Variants in GABRG3 observed in about 807,000 individuals in gnomAD.
The protein encoded by GABRG3 is gamma-aminobutyric acid type A receptor subunit gamma3, also known as gamma-aminobutyric acid receptor subunit gamma-3.
A neutral mutation model predicts 48.8 loss-of-function variants in GABRG3; 25 were observed. The observed-to-expected ratio is 0.51, with a 90% CI of 0.37 to 0.72. The LOEUF (loss-of-function observed/expected upper bound fraction) is 0.72, where lower values mean the gene tolerates loss of function less well. GABRG3 is among the 30% of genes least tolerant of loss of function. The pLI is 0.00. For synonymous variants in GABRG3, 227 were observed against 217.6 expected, an observed-to-expected ratio of 1.04 and a Z score of -0.38; for missense variants, 394 against 577.9, an observed-to-expected ratio of 0.68 and a Z score of 3.26.
intron 3 of GABRG3, among the ~76,000 whole-genome samples, chr15:27,165,174 A>T (rs921217731): frequency 6.6e-6 from 1 of 152,086 alleles, no homozygotes; most frequent in Non-Finnish European, 1.5e-5. Context: ...CTCCCAGATA[A>T]TTTTCTTTCC....
chr15:27,304,162 A>C (rs2140495165), intron 3 of GABRG3, among the ~76,000 whole-genome samples: 1 of 152,070 alleles, frequency 6.6e-6, no homozygotes, highest in Middle Eastern at 3.4e-3. Flanking sequence ...TTTTCTCTTA[A>C]GCTTAGTGGC....
At chr15:27,169,088 T>G (rs1469201356) in intron 3 of GABRG3, among the ~76,000 whole-genome samples, 1 of 152,192 alleles carries the variant, frequency 6.6e-6, no homozygotes, top group Non-Finnish European at 1.5e-5. Flanking sequence ...AAAATAGACA[T>G]GGGCACTTGT....
chr15:27,235,139 T>C (rs548904384), intron 3 of GABRG3, among the ~76,000 whole-genome samples: 19 of 152,126 alleles, frequency 1.2e-4, no homozygotes, highest in African/African-American at 4.4e-4. Context: ...TCCTAGATTT[T>C]GTTTTGTCTT....
chr15:27,045,303 G>T (rs1259131181), intron 3 of GABRG3, among the ~76,000 whole-genome samples: 2 of 152,188 alleles, frequency 1.3e-5, no homozygotes, highest in Non-Finnish European at 2.9e-5. Flanking sequence ...AGGTGCAAAG[G>T]CCTCGTGCTA....
chr15:27,460,437 G>A (rs1679492869), intron 5 of GABRG3, among the ~76,000 whole-genome samples: 2 of 152,162 alleles, frequency 1.3e-5, no homozygotes, highest in African/African-American at 4.8e-5. Flanking sequence ...TTTGCAGGGC[G>A]CCCCGCAAGG....
intron 5 of GABRG3, among the ~76,000 whole-genome samples, chr15:27,389,411 C>T (rs1392566790): frequency 6.6e-6 from 1 of 152,196 alleles, no homozygotes; most frequent in Admixed American, 6.5e-5. Flanking sequence ...CCACAGGGAA[C>T]ACACCATATG....
chr15:27,049,420 G>A (rs1896419057), intron 3 of GABRG3, among the ~76,000 whole-genome samples: 1 of 152,150 alleles, frequency 6.6e-6, no homozygotes, highest in African/African-American at 2.4e-5. Context: ...GTTTGTATTA[G>A]TTTCTTCCAG....
intron 5 of GABRG3, among the ~76,000 whole-genome samples, chr15:27,344,536 TG>T (rs1267673699): frequency 6.6e-6 from 1 of 152,210 alleles, no homozygotes; most frequent in Non-Finnish European, 1.5e-5. Context: ...AATTAAATAC[TG>T]AGAACCTTTG....
intron 5 of GABRG3, among the ~76,000 whole-genome samples, chr15:27,373,916 C>G (rs1431446140): frequency 6.6e-6 from 1 of 152,104 alleles, no homozygotes; most frequent in East Asian, 1.9e-4. Flanking sequence ...GCCACAATCT[C>G]CATGTAATAT....
intron 3 of GABRG3, among the ~76,000 whole-genome samples, chr15:27,218,461 C>A (rs1326263637): frequency 6.6e-6 from 1 of 152,176 alleles, no homozygotes; most frequent in Non-Finnish European, 1.5e-5. Context: ...TCAAAATAAT[C>A]CACATCCCAA....
chr15:27,336,047 G>T (rs899615544), intron 5 of GABRG3, among the ~76,000 whole-genome samples: 6 of 151,960 alleles, frequency 3.9e-5, no homozygotes, highest in Non-Finnish European at 8.8e-5. Flanking sequence ...AAATTAGCCG[G>T]GTGTGGTGGT....
intron 3 of GABRG3, among the ~76,000 whole-genome samples, chr15:27,314,174 G>A (rs1218562190): frequency 6.6e-6 from 1 of 152,088 alleles, no homozygotes; most frequent in Non-Finnish European, 1.5e-5. Context: ...ATGATCAACA[G>A]AGTGAAAAGG....
At chr15:27,008,550 T>C (rs1254752497) in intron 2 of GABRG3, among the ~76,000 whole-genome samples, 1 of 152,224 alleles carries the variant, frequency 6.6e-6, no homozygotes, top group Non-Finnish European at 1.5e-5. Flanking sequence ...TTGGCAGGCC[T>C]GTGTGGCCTC....
intron 5 of GABRG3, among the ~76,000 whole-genome samples, chr15:27,440,807 A>T (rs1888761463): frequency 1.3e-5 from 2 of 152,256 alleles, no homozygotes; most frequent in South Asian, 4.1e-4. Context: ...AGTTAAGACT[A>T]GATCATAATT....
chr15:27,327,480 C>G (rs1273760837), intron 4 of GABRG3, among the ~76,000 whole-genome samples: 2 of 152,114 alleles, frequency 1.3e-5, no homozygotes, highest in Non-Finnish European at 2.9e-5. Flanking sequence ...TCGAAGAAAC[C>G]CAGAGAGGTA....
Position 27,306,300 on chromosome 15 carries a change from CATAT to C in GABRG3, c.271-20503_271-20500del, listed in dbSNP as rs367888247. 1.6e-4 allele frequency among the ~76,000 whole-genome samples: 22 copies of C among 134,986 alleles called. 1 individual carries two copies. The East Asian group carries it at 2.4e-3, about 15-fold the overall frequency. 88.6% of individuals were successfully genotyped at this position (134,986 alleles called of 152,430 possible). The stretch of plus-strand genomic sequence containing the variant: ...TAACATAAACATGTCTATATATAAA[CATAT>C]ATATAATATAAACATGTCTATATAT... On this transcript the variant is annotated intron_variant, in intron 3 of 9. Coordinates refer to ENST00000615808, the MANE Select transcript of GABRG3 (RefSeq NM_033223.5).
At chr15:27,264,266 T>A (rs901335796) in intron 3 of GABRG3, among the ~76,000 whole-genome samples, 4 of 151,000 alleles carry the variant, frequency 2.6e-5, no homozygotes, top group East Asian at 1.9e-4. Context: ...AAAATAAAAA[T>A]AAAAAAAAAT....
At chr15:27,138,397 A>G (rs1033225970) in intron 3 of GABRG3, among the ~76,000 whole-genome samples, 3 of 152,220 alleles carry the variant, frequency 2.0e-5, no homozygotes, top group African/African-American at 7.2e-5. Flanking sequence ...GTGTAATATA[A>G]CATCCTTTCT....
rs564684338 is a variant in GABRG3, at chr15:27,530,573, G to A, written c.1123-2027G>A. 10 of 464,170 alleles carry A rather than the reference G, an allele frequency of 2.2e-5. No individual in the cohort carries two copies. In the East Asian group the frequency reaches 6.3e-4, roughly 29 times the overall value. 28.8% of individuals were successfully genotyped at this position (464,170 alleles called of 1,614,324 possible). On this transcript the variant is annotated intron_variant, in intron 9 of 9. Coordinates refer to ENST00000615808, the MANE Select transcript of GABRG3 (RefSeq NM_033223.5). ...AAATATGATATCCAGGTGTTTTTTG[G>A]CTCCCTAAATGAAGTGAAATGGAGG...
Sources: allele counts gnomAD v4.1 joint callset (sites outside exome capture counted in the v4.1 genomes callset), GRCh38; gene constraint gnomAD v4.1.1; transcripts MANE v1.5; gene names NCBI Gene and HGNC (gene_info 2026-07-23, HGNC 2026-07-21).